Variants in DNAH5 observed in about 807,000 individuals in gnomAD.
DNAH5 encodes the protein axonemal beta dynein heavy chain 5.
Under a neutral mutation model 518.2 loss-of-function variants are expected in DNAH5, and 372 were observed. The ratio of observed to expected loss-of-function variants is 0.72; its 90% CI spans 0.66 to 0.78. DNAH5 has a LOEUF of 0.78. DNAH5 is among the 30% of genes least tolerant of loss of function. DNAH5 has a pLI of 0.00. For missense variants in DNAH5, 5,523 were observed against 5,687.0 expected, an observed-to-expected ratio of 0.97 and a Z score of 0.93; for synonymous variants, 2,039 against 2,025.9, an observed-to-expected ratio of 1.01 and a Z score of -0.17.
At chr5:13,692,802 G>T (rs958876069) in intron 78 of DNAH5, among the ~76,000 whole-genome samples, 5 of 152,164 alleles carry the variant, frequency 3.3e-5, no homozygotes, top group Admixed American at 2.0e-4. Context: ...ATCCTTCAGA[G>T]ATCCTTTCTA....
chr5:13,885,549 C>A (rs190135546), intron 18 of DNAH5, among the ~76,000 whole-genome samples: 1 of 152,296 alleles, frequency 6.6e-6, no homozygotes, highest in East Asian at 1.9e-4. Context: ...CCACCAATAA[C>A]CCTAAAACTT....
chr5:13,710,346 A>G (rs1490583110), intron 75 of DNAH5, among the ~76,000 whole-genome samples: 1 of 152,190 alleles, frequency 6.6e-6, no homozygotes, highest in Non-Finnish European at 1.5e-5. Flanking sequence ...TCTCTGACAG[A>G]GCCTACTCAA....
chr5:13,761,023 C>T (rs981947687), intron 60 of DNAH5, among the ~76,000 whole-genome samples: 3 of 152,188 alleles, frequency 2.0e-5, no homozygotes, highest in African/African-American at 7.2e-5. Context: ...TATAAGAGAA[C>T]AGACTTCTCA....
rs996814127 is a variant in DNAH5 at position 13,824,500 on chromosome 5, G to A, written c.6445-167C>T. 2.6e-5 allele frequency among the ~76,000 whole-genome samples: 4 copies of A among 152,100 alleles called. No individual in the cohort carries two copies. The East Asian group carries it at 5.8e-4, about 22-fold the overall frequency. On this transcript the variant is annotated intron_variant, in intron 38 of 78. Coordinates refer to ENST00000265104, the MANE Select transcript of DNAH5 (RefSeq NM_001369.3). The stretch of plus-strand genomic sequence containing the variant: ...ATATTTCTATATAGATATACGTTTT[G>A]AGCAAATAGGGAATATCCCAAAGAG...
rs185071315 is a variant in DNAH5, at chr5:13,906,447, T to C, written c.1645-4309A>G. Reference sequence around the variant, plus strand: ...TTTAAAAAGTCATTTTTAAAAAATATTTAATGAGGTGTAAAATATTTGAAT... The same window carrying C: ...TTTAAAAAGTCATTTTTAAAAAATACTTAATGAGGTGTAAAATATTTGAAT... On this transcript the variant is annotated intron_variant, in intron 12 of 78. Coordinates refer to ENST00000265104, the MANE Select transcript of DNAH5 (RefSeq NM_001369.3). Among the ~76,000 whole-genome samples, 188 of 152,312 alleles carry C rather than the reference T, an allele frequency of 1.2e-3. 1 individual carries two copies. Among genetic ancestry groups the C allele is most frequent in the Non-Finnish European group, 1.6e-3 (107 of 68,016 alleles).
chr5:13,875,417 A>T (rs1770742643), intron 22 of DNAH5, among the ~76,000 whole-genome samples: 2 of 148,746 alleles, frequency 1.3e-5, no homozygotes, highest in South Asian at 4.3e-4. Context: ...CAGTGAGCCA[A>T]GATTGCACCA....
upstream of DNAH5, among the ~76,000 whole-genome samples, chr5:13,945,854 T>A (rs539281942): frequency 2.0e-4 from 30 of 152,294 alleles, no homozygotes; most frequent in Non-Finnish European, 3.1e-4. Flanking sequence ...ATTGCCCACC[T>A]CGGCCTCCCA....
intron 1 of DNAH5, among the ~76,000 whole-genome samples, chr5:13,972,617 G>A (rs945924249): frequency 3.4e-4 from 51 of 152,134 alleles, no homozygotes; most frequent in Admixed American, 2.9e-3. Context: ...TTCAGGTTCC[G>A]CAGTGAGGAT....
At chr5:13,906,458 G>A (rs534935281) in intron 12 of DNAH5, among the ~76,000 whole-genome samples, 21 of 152,226 alleles carry the variant, frequency 1.4e-4, no homozygotes, top group African/African-American at 3.4e-4. Flanking sequence ...TTAATGAGGT[G>A]TAAAATATTT....
chr5:13,744,059 T>C (rs987496317), intron 65 of DNAH5, among the ~76,000 whole-genome samples: 3 of 152,030 alleles, frequency 2.0e-5, no homozygotes, highest in Admixed American at 1.3e-4. Context: ...CTATGCACAA[T>C]TGACAAGATA....
At chr5:13,732,498 C>G (rs1398290751) in intron 68 of DNAH5, among the ~76,000 whole-genome samples, 1 of 152,132 alleles carries the variant, frequency 6.6e-6, no homozygotes, top group African/African-American at 2.4e-5. Context: ...TCCCAAGTAG[C>G]TGGGACTACA....
chr5:13,876,399 T>G (rs975921586), intron 22 of DNAH5, among the ~76,000 whole-genome samples: 4 of 152,212 alleles, frequency 2.6e-5, no homozygotes, highest in Non-Finnish European at 5.9e-5. Flanking sequence ...GACTTGTAGT[T>G]TGGAACATAT....
intron 1 of DNAH5, among the ~76,000 whole-genome samples, chr5:13,972,731 T>C (rs1422507677): frequency 6.6e-6 from 1 of 152,182 alleles, no homozygotes; most frequent in Non-Finnish European, 1.5e-5. Context: ...TCAAAGGGTG[T>C]GTGGATTCTC....
chr5:13,852,936 G>C (rs1327022885), intron 30 of DNAH5, among the ~76,000 whole-genome samples: 2 of 152,208 alleles, frequency 1.3e-5, no homozygotes, highest in Non-Finnish European at 2.9e-5. Context: ...GCAGCTGTGG[G>C]GTACAGCGTC....
At chr5:13,941,308 C>T (rs1256387066) in intron 1 of DNAH5, among the ~76,000 whole-genome samples, 3 of 152,146 alleles carry the variant, frequency 2.0e-5, no homozygotes, top group Non-Finnish European at 2.9e-5. Flanking sequence ...CAGTGAGCTA[C>T]GATGGCGCCA....
intron 41 of DNAH5, 142 bp from the exon 42 acceptor site, chr5:13,817,836 T>C: frequency 1.4e-6 from 1 of 733,702 alleles, no homozygotes. Flanking sequence ...TATGTCTTAC[T>C]GCATTCTAAG....
At chr5:13,861,859 G>A (rs1261783834) in intron 29 of DNAH5, among the ~76,000 whole-genome samples, 1 of 150,252 alleles carries the variant, frequency 6.7e-6, no homozygotes, top group Non-Finnish European at 1.5e-5. Flanking sequence ...AGGAAGCTGC[G>A]GCAGAATCAC....
chr5:13,928,119 A>G lies in DNAH5; in HGVS notation c.252T>C (p.Tyr84=), dbSNP rs754982008. 2 of 1,613,864 alleles carry G rather than the reference A, an allele frequency of 1.2e-6. No homozygotes were observed. Among genetic ancestry groups the G allele is most frequent in the African/African-American group, 1.3e-5 (1 of 74,918 alleles). ...CTGTTTCTGCTTCCTCCACATCTTGATAGTAAAACATGAGGTGTCGGAGAC... is the reference window on the plus strand; with the variant it reads ...CTGTTTCTGCTTCCTCCACATCTTGGTAGTAAAACATGAGGTGTCGGAGAC... ...VGGLRHLMFY[Y]QDVEEAETGQ... The change falls in exon 3 of 79, where the codon TAT becomes TAC. Residue 84 remains tyrosine, a synonymous_variant. Coordinates refer to ENST00000265104, the MANE Select transcript of DNAH5 (RefSeq NM_001369.3).
chr5:14,001,227 T>G (rs116784733), intron 1 of DNAH5, among the ~76,000 whole-genome samples: 4,783 of 152,244 alleles, frequency 0.031, 121 homozygotes, highest in Middle Eastern at 0.051. Context: ...TCATTCACAC[T>G]CCAAGCCTCA....
Sources: gnomAD v4.1 joint callset for allele counts (sites outside exome capture counted in the v4.1 genomes callset) on GRCh38, gnomAD v4.1.1 for gene constraint, MANE v1.5 for transcripts, NCBI Gene and HGNC (gene_info 2026-07-23, HGNC 2026-07-21) for gene names.